The following ACOT12 variants were observed in gnomAD, a reference collection of about 807,000 sequenced individuals.
The protein encoded by ACOT12 is acyl-CoA thioesterase 12.
A neutral mutation model predicts 67.7 loss-of-function variants in ACOT12; 51 were observed. The ratio of observed to expected loss-of-function variants is 0.75; its 90% CI spans 0.60 to 0.95. The LOEUF is 0.95. Ranked by LOEUF, ACOT12 falls within the 40% of genes least tolerant of loss-of-function variation. The pLI, the probability that ACOT12 is intolerant of heterozygous loss-of-function variation, is 0.00. For missense variants in ACOT12, 734 were observed against 708.1 expected, an observed-to-expected ratio of 1.04 and a Z score of -0.41; for synonymous variants, 251 against 244.6, an observed-to-expected ratio of 1.03 and a Z score of -0.24.
chr5:81,358,600 A>G (rs905790972), intron 5 of ACOT12, among the ~76,000 whole-genome samples: 15 of 152,238 alleles, frequency 9.9e-5, no homozygotes, highest in African/African-American at 3.6e-4. Context: ...CTGTAATCCC[A>G]GCACTTTGGG....
chr5:81,370,357 T>C (rs915280484), intron 3 of ACOT12, among the ~76,000 whole-genome samples: 1 of 152,136 alleles, frequency 6.6e-6, no homozygotes, highest in African/African-American at 2.4e-5. Context: ...GTCAAAACAG[T>C]TGTTATAACT....
intron 1 of ACOT12, among the ~76,000 whole-genome samples, chr5:81,386,500 AT>A (rs948176229): frequency 6.4e-4 from 96 of 149,754 alleles, no homozygotes; most frequent in East Asian, 4.9e-3. Flanking sequence ...ATTTGCTCAG[AT>A]TTTTTTTTTA....
In ACOT12 at chr5:81,347,880, C is replaced by T. The variant is rs774226939; in HGVS notation, c.547G>A (p.Val183Ile). 3.3e-5 allele frequency: 53 copies of T among 1,613,960 alleles called. No individual in the cohort carries two copies. The highest frequency in any genetic ancestry group is 3.3e-4 in the Middle Eastern group (2 of 6,080). The change falls in exon 6 of 15, where the codon GTT (valine) becomes ATT (isoleucine). Residue 183 changes from valine (V) to isoleucine (I), a missense_variant. Transcript: ENST00000307624. ...GGGAGGACCAGTTCAATGCTCTGAA[C>T]GGAGGTGCCCCTTGTGGAAACCGCT... is the stretch of plus-strand genomic sequence containing the variant. Reference protein sequence around the residue: ...EGAVSTRGTSVQSIELVLPPH... With the variant: ...EGAVSTRGTSIQSIELVLPPH...
intron 3 of ACOT12, among the ~76,000 whole-genome samples, chr5:81,370,769 G>C (rs1202396554): frequency 6.6e-6 from 1 of 152,174 alleles, no homozygotes; most frequent in African/African-American, 2.4e-5. Flanking sequence ...CACCCAGTCT[G>C]TGGTGCTTTG....
chr5:81,335,744 A>G (rs1249343425), intron 12 of ACOT12, 24 bp downstream of exon 12: 1 of 1,602,108 alleles, frequency 6.2e-7, no homozygotes, highest in Non-Finnish European at 8.5e-7. Context: ...GTTGATTGAG[A>G]AAAATTTTTA....
Position 81,386,994 on chromosome 5 carries a change from C to CTTTTTTTTTT in ACOT12, c.128-1169_128-1168insAAAAAAAAAA, listed in dbSNP as rs1052387807. Among the ~76,000 whole-genome samples, 21 of 128,474 alleles carry CTTTTTTTTTT rather than the reference C, an allele frequency of 1.6e-4. 1 individual carries two copies. The highest frequency in any genetic ancestry group is 2.6e-4 in the African/African-American group (8 of 30,800). 84.3% of individuals were successfully genotyped at this position (128,474 alleles called of 152,430 possible). The stretch of plus-strand genomic sequence containing the variant: ...TCCAGACACTGAGTTGGATGAGTTC[C>CTTTTTTTTTT]ATTTTTTTTTTTTTTTTTTTTTTTC... On this transcript the variant is annotated intron_variant, in intron 1 of 14. Coordinates refer to ENST00000307624, the MANE Select transcript of ACOT12 (RefSeq NM_130767.3).
At position 81,371,205 on chromosome 5, in the gene ACOT12, A is replaced by G. The variant is rs150604232; in HGVS notation, c.258+545T>C. 8.3e-4 allele frequency among the ~76,000 whole-genome samples: 126 copies of G among 152,224 alleles called. 1 individual carries two copies. The highest frequency in any genetic ancestry group is 2.8e-3 in the African/African-American group (117 of 41,540). ...AGGTTTACTTTCTGTATATCCTTCT[A>G]TGTAGAAATAGTGTACTGTATCATG... On this transcript the variant is annotated intron_variant, in intron 3 of 14. Transcript: ENST00000307624.
At chr5:81,309,530 C>T in the ACOT12 span, among the ~76,000 whole-genome samples, 5 of 152,172 alleles carry the variant, frequency 3.3e-5, 1 homozygote, top group Admixed American at 1.3e-4. Flanking sequence ...TTAAGGTTCA[C>T]ACAGTAAAGT....
chr5:81,371,954 G>A, intron 2 of ACOT12, 144 bp from the exon 3 acceptor site: 2 of 694,822 alleles, frequency 2.9e-6, no homozygotes, highest in Non-Finnish European at 2.4e-6. Context: ...TCAGGTTAAT[G>A]ATAATGGAAA....
At chr5:81,324,796 CTAAG>C in the ACOT12 span, among the ~76,000 whole-genome samples, 11 of 152,080 alleles carry the variant, frequency 7.2e-5, no homozygotes, top group Non-Finnish European at 1.6e-4. Flanking sequence ...TGCTCAGAGA[CTAAG>C]TAAGTCAAGA....
chr5:81,310,863 T>G, the ACOT12 span, among the ~76,000 whole-genome samples: 1 of 152,254 alleles, frequency 6.6e-6, no homozygotes, highest in Non-Finnish European at 1.5e-5. Context: ...ACATCTTTTG[T>G]TTACAGGTCC....
chr5:81,328,015 T>C (rs1758714755), downstream of ACOT12, among the ~76,000 whole-genome samples: 1 of 152,104 alleles, frequency 6.6e-6, no homozygotes, highest in Admixed American at 6.5e-5. Context: ...GGTCTTTAAT[T>C]CAGCTGTCTT....
intron 3 of ACOT12, 115 bp downstream of exon 3, chr5:81,371,635 C>T: frequency 9.6e-7 from 1 of 1,039,924 alleles, no homozygotes; most frequent in South Asian, 1.4e-5. Context: ...CCAGAGCCTT[C>T]TGAAATAGAG....
At chr5:81,322,423 T>C in the ACOT12 span, among the ~76,000 whole-genome samples, 74,289 of 150,170 alleles carry the variant, frequency 0.49, 19,086 homozygotes, top group Admixed American at 0.62. Flanking sequence ...CACCATTGCA[T>C]TACAGCCTAG....
Position 81,330,535 on chromosome 5 carries a change from G to C in ACOT12, c.1527C>G (p.Tyr509Ter). The C allele has an allele frequency of 6.2e-7, 1 of 1,612,574 alleles. No homozygotes were observed. Among genetic ancestry groups the C allele is most frequent in the Non-Finnish European group, 8.5e-7 (1 of 1,179,598 alleles). The change falls in exon 15 of 15, where the codon TAC (tyrosine) becomes TAG (stop). Residue 509 changes from tyrosine (Y) to a stop codon, truncating the protein, a stop_gained. Coordinates refer to ENST00000307624, the MANE Select transcript of ACOT12 (RefSeq NM_130767.3). LOFTEE classifies it high-confidence loss of function. ...GGATGCTAGCAGACATATGGTTAAAGTAAGATACCTGTTTCAAAAAGAAAG... is the reference window on the plus strand; with the variant it reads ...GGATGCTAGCAGACATATGGTTAAACTAAGATACCTGTTTCAAAAAGAAAG... ...AIDSNSCIVS[Y>*]FNHMSASILP... is the part of the protein sequence containing the mutation.
rs144167548 is a variant in ACOT12 at position 81,344,803 on chromosome 5, A to C, written c.924+88T>G. ...GAGGGAAAACCAAAGGGAAAGAGCC[A>C]AAGAGGTTGTTGCCGGTGGGAGGAG... On this transcript the variant is annotated intron_variant, in intron 8 of 14. Transcript: ENST00000307624. 3.3e-3 allele frequency: 4,945 copies of C among 1,514,364 alleles called. 129 individuals carry two copies. The African/African-American group carries it at 0.059, about 18-fold the overall frequency. The allele number at this position is 1,514,364 out of a possible 1,614,324, so 93.8% of individuals were successfully genotyped here.
rs1250582518 is a variant in ACOT12 at position 81,347,962 on chromosome 5, G to A, written c.497-32C>T. ...GGTGGATGTAAACATTAATGATGGT[G>A]GAGTGAACCATAGGCCCTGGGGCTC... On this transcript the variant is annotated intron_variant, in intron 5 of 14. Coordinates refer to ENST00000307624, the MANE Select transcript of ACOT12 (RefSeq NM_130767.3). The A allele has an allele frequency of 6.2e-6, 10 of 1,602,084 alleles. No homozygotes were observed. In the African/African-American group the frequency reaches 1.2e-4, roughly 19 times the overall value.
rs961493288 is a variant in ACOT12 at position 81,381,215 on chromosome 5, T to G, written c.197+4542A>C. Reference sequence around the variant, plus strand: ...CCGAATAGCTGGGATTACAGGCGCGTGCCACCACACCCAGCTAATTTTTTC... The same window carrying G: ...CCGAATAGCTGGGATTACAGGCGCGGGCCACCACACCCAGCTAATTTTTTC... On this transcript the variant is annotated intron_variant, in intron 2 of 14. Coordinates refer to ENST00000307624, the MANE Select transcript of ACOT12 (RefSeq NM_130767.3). 5.3e-5 allele frequency among the ~76,000 whole-genome samples: 8 copies of G among 152,066 alleles called. No homozygotes were observed. In the East Asian group the frequency reaches 1.5e-3, roughly 29 times the overall value.
intron 5 of ACOT12, among the ~76,000 whole-genome samples, chr5:81,355,728 C>T (rs750450302): frequency 6.6e-6 from 1 of 152,132 alleles, no homozygotes; most frequent in Non-Finnish European, 1.5e-5. Flanking sequence ...GGAGGTAGCT[C>T]TCTCCAGGGT....
Sources: gnomAD v4.1 joint callset for allele counts (sites outside exome capture counted in the v4.1 genomes callset) on GRCh38, gnomAD v4.1.1 for gene constraint, MANE v1.5 for transcripts, NCBI Gene and HGNC (gene_info 2026-07-23, HGNC 2026-07-21) for gene names.